The following HGF variants were observed in gnomAD, a reference collection of about 807,000 sequenced individuals.
The protein encoded by HGF is hepatocyte growth factor, also known as fibroblast-derived tumor cytotoxic factor.
In HGF, 39 loss-of-function variants were observed where a neutral mutation model predicts 111.6. That is an observed-to-expected ratio of 0.35 (90% confidence interval 0.27 to 0.46). The LOEUF (loss-of-function observed/expected upper bound fraction) is 0.46, where lower values mean the gene tolerates loss of function less well. HGF is among the 20% of genes least tolerant of loss of function. The probability of loss-of-function intolerance (pLI) is 1.00; values close to 1 mark genes in which losing one functional copy is unlikely to be tolerated. For synonymous variants in HGF, 285 were observed against 294.8 expected (o/e 0.97, Z 0.34); for missense variants, 735 against 910.5 (o/e 0.81, Z 2.48).
At chr7:81,747,275 C>T (rs1456598545) in intron 5 of HGF, among the ~76,000 whole-genome samples, 1 of 151,990 alleles carries the variant, frequency 6.6e-6, no homozygotes, top group Non-Finnish European at 1.5e-5. Flanking sequence ...GGAGATGGAG[C>T]TTGCAGTGAG....
At chr7:81,745,449 C>T (rs893638389) in intron 5 of HGF, among the ~76,000 whole-genome samples, 4 of 152,112 alleles carry the variant, frequency 2.6e-5, no homozygotes, top group South Asian at 2.1e-4. Flanking sequence ...AAATTTTTCC[C>T]GTGTTGGTCT....
chr7:81,743,674 T>A (rs1329643423), intron 6 of HGF, among the ~76,000 whole-genome samples: 3 of 152,110 alleles, frequency 2.0e-5, no homozygotes, highest in Non-Finnish European at 4.4e-5. Context: ...CAGAGTATCA[T>A]CCCCTGGCTA....
chr7:81,717,377 A>T lies in HGF; in HGVS notation c.1272-12T>A. 1 of 1,612,176 alleles carries T rather than the reference A, an allele frequency of 6.2e-7. No individual in the cohort carries two copies. The highest frequency in any genetic ancestry group is 1.7e-4 in the Middle Eastern group (1 of 6,054). ...CCCAGAAGATATGACTGTGGAAACA[A>T]CAGGCCTTGCACATCACAAGATGCT... On this transcript the variant is annotated splice_polypyrimidine_tract_variant and intron_variant, in intron 10 of 17. Coordinates refer to ENST00000222390, the MANE Select transcript of HGF (RefSeq NM_000601.6).
chr7:81,747,203 G>A (rs1277248556), intron 5 of HGF, among the ~76,000 whole-genome samples: 14 of 152,184 alleles, frequency 9.2e-5, no homozygotes, highest in Admixed American at 5.2e-4. Context: ...ATCAGGTGTG[G>A]TGGTGGGCAC....
At chr7:81,766,655 TG>T (rs911058545) in intron 1 of HGF, among the ~76,000 whole-genome samples, 1 of 152,152 alleles carries the variant, frequency 6.6e-6, no homozygotes, top group African/African-American at 2.4e-5. Flanking sequence ...ATGTTCAGTG[TG>T]ATTTGAGGGG....
intron 8 of HGF, 129 bp downstream of exon 8, chr7:81,729,475 CT>C (rs1212702389): frequency 2.7e-6 from 2 of 737,282 alleles, no homozygotes; most frequent in East Asian, 5.3e-5. Flanking sequence ...TGTAATCTGC[CT>C]TTTAACTCCT....
In HGF at chr7:81,717,190, T is replaced by C. The variant is rs1333980875; in HGVS notation, c.1405+42A>G. On this transcript the variant is annotated intron_variant, in intron 11 of 17. Coordinates refer to ENST00000222390, the MANE Select transcript of HGF (RefSeq NM_000601.6). The stretch of plus-strand genomic sequence containing the variant: ...CAACTTTTAGATGAAATGTAGTACA[T>C]TTAAAATATTTCACAAGACACCAAT... 4 of 1,591,156 alleles carry C rather than the reference T, an allele frequency of 2.5e-6. No homozygotes were observed. In the Admixed American group the frequency reaches 5.0e-5, roughly 20 times the overall value.
chr7:81,705,239 A>G (rs1789390204), intron 17 of HGF, 151 bp downstream of exon 17: 1 of 705,548 alleles, frequency 1.4e-6, no homozygotes, highest in Non-Finnish European at 2.4e-6. Context: ...AAAGAAATGC[A>G]GAATATTACA....
At chr7:81,759,095 T>C (rs1415458086) in intron 2 of HGF, among the ~76,000 whole-genome samples, 2 of 152,166 alleles carry the variant, frequency 1.3e-5, no homozygotes, top group Non-Finnish European at 2.9e-5. Context: ...AGTTTTAACA[T>C]GCAAAATCAA....
intron 9 of HGF, among the ~76,000 whole-genome samples, chr7:81,723,747 C>G (rs563339256): frequency 1.3e-4 from 19 of 150,328 alleles, no homozygotes; most frequent in Admixed American, 3.3e-4. Context: ...ATATGTAGAA[C>G]TTATATTTTC....
At chr7:81,745,870 C>T (rs567875832) in intron 5 of HGF, among the ~76,000 whole-genome samples, 1 of 152,134 alleles carries the variant, frequency 6.6e-6, no homozygotes, top group Non-Finnish European at 1.5e-5. Context: ...TTCTGGCTGG[C>T]CTCTTATGTC....
At chr7:81,754,015 G>A (rs1788631489) in intron 4 of HGF, among the ~76,000 whole-genome samples, 1 of 151,856 alleles carries the variant, frequency 6.6e-6, no homozygotes, top group South Asian at 2.1e-4. Flanking sequence ...TGCTTTATAT[G>A]TTTTCAAGAA....
chr7:81,702,492 T>C lies in HGF; in HGVS notation c.*89A>G. The C allele has an allele frequency of 1.9e-6, 2 of 1,076,798 alleles. No individual in the cohort carries two copies. Among genetic ancestry groups the C allele is most frequent in the Middle Eastern group, 2.1e-4 (1 of 4,786 alleles). The allele number at this position is 1,076,798 out of a possible 1,614,324, so 66.7% of individuals were successfully genotyped here. On this transcript the variant is annotated 3_prime_UTR_variant, in exon 18 of 18. Coordinates refer to ENST00000222390, the MANE Select transcript of HGF (RefSeq NM_000601.6). ...TCTCCAGTAGTTGTCTTAGGATTGTTGTAAGTGACATTTTAAATTCCACAT... is the reference window on the plus strand; with the variant it reads ...TCTCCAGTAGTTGTCTTAGGATTGTCGTAAGTGACATTTTAAATTCCACAT...
chr7:81,745,240 A>G (rs1288121241), intron 5 of HGF, 120 bp from the exon 6 acceptor site: 1 of 1,020,898 alleles, frequency 9.8e-7, no homozygotes, highest in Admixed American at 1.9e-5. Context: ...CCTACACATC[A>G]TTCTAACTTT....
Position 81,705,502 on chromosome 7 carries a change from T to A in HGF, c.1898A>T (p.His633Leu), listed in dbSNP as rs746110664. ...INYDGLLRVAHLYIMGNEKCS... is the reference protein window; with the variant it reads ...INYDGLLRVALLYIMGNEKCS... ...TTTCTCATTTCCCATTATATAGAGA[T>A]GTGCCACTCGTAATAGGCCATCATA... The change falls in exon 17 of 18, where the codon CAT (histidine) becomes CTT (leucine). Residue 633 changes from histidine to leucine, a missense_variant. This residue lies in a region of HGF where 130 missense variants were observed against 129.9 expected (regional missense o/e 1.00). Coordinates refer to ENST00000222390, the MANE Select transcript of HGF (RefSeq NM_000601.6). The A allele has an allele frequency of 2.5e-6, 4 of 1,612,722 alleles. No homozygotes were observed. The East Asian group carries it at 8.9e-5, about 36-fold the overall frequency.
intron 7 of HGF, among the ~76,000 whole-genome samples, chr7:81,736,509 T>G (rs1787830385): frequency 6.6e-6 from 1 of 152,068 alleles, no homozygotes; most frequent in Admixed American, 6.6e-5. Flanking sequence ...TTGTGCCTAA[T>G]TTATAAATTA....
intron 15 of HGF, 51 bp downstream of exon 15, chr7:81,706,236 C>G: frequency 6.4e-7 from 1 of 1,560,220 alleles, no homozygotes; most frequent in Non-Finnish European, 8.8e-7. Flanking sequence ...AGAAAATGCT[C>G]CAACAATTCT....
intron 9 of HGF, 99 bp downstream of exon 9, chr7:81,725,791 G>T: frequency 7.4e-7 from 1 of 1,348,082 alleles, no homozygotes; most frequent in Non-Finnish European, 1.1e-6. Flanking sequence ...AGCAAAACCA[G>T]TGCAGCAAGA....
chr7:81,703,491 T>A (rs1415128933), intron 17 of HGF, among the ~76,000 whole-genome samples: 1 of 150,664 alleles, frequency 6.6e-6, no homozygotes, highest in Non-Finnish European at 1.5e-5. Flanking sequence ...AGAGGAAAGA[T>A]GAACAGATAG....
Sources: allele counts gnomAD v4.1 joint callset (sites outside exome capture counted in the v4.1 genomes callset), GRCh38; gene constraint gnomAD v4.1.1; regional missense constraint gnomAD v4.1.1; transcripts MANE v1.5; gene names NCBI Gene and HGNC (gene_info 2026-07-23, HGNC 2026-07-21).